ATR: variants seen among roughly 807,000 people sequenced by gnomAD.
ATR encodes the protein serine/threonine-protein kinase ATR.
Under a neutral mutation model 305.3 loss-of-function variants are expected in ATR, and 142 were observed. That is an observed-to-expected ratio of 0.47 (90% CI 0.41 to 0.53). ATR has a LOEUF of 0.53. ATR is among the 20% of genes least tolerant of loss of function. The pLI is 0.00. For synonymous variants in ATR, 1,050 were observed against 1,068.1 expected (o/e 0.98, Z 0.33); for missense variants, 2,135 against 3,133.1 (o/e 0.68, Z 7.60).
At chr3:142,500,885 C>T (rs1033766569) in intron 30 of ATR, among the ~76,000 whole-genome samples, 1 of 151,972 alleles carries the variant, frequency 6.6e-6, no homozygotes. Flanking sequence ...ATTTGTTATC[C>T]AACTGTGGGA....
At chr3:142,482,719 C>G (rs137981009) in intron 36 of ATR, among the ~76,000 whole-genome samples, 2 of 151,742 alleles carry the variant, frequency 1.3e-5, no homozygotes, top group Non-Finnish European at 2.9e-5. Flanking sequence ...GCCTATAGTC[C>G]TAACTACTAA....
intron 1 of ATR, among the ~76,000 whole-genome samples, chr3:142,568,912 G>C (rs141199381): frequency 4.6e-5 from 7 of 152,360 alleles, no homozygotes; most frequent in Non-Finnish European, 8.8e-5. Context: ...GCTGAGGGCA[G>C]CTCAATATGG....
In ATR at chr3:142,522,852, A is replaced by G. The variant is rs778905423; in HGVS notation, c.4153-11T>C. On this transcript the variant is annotated splice_polypyrimidine_tract_variant and intron_variant, in intron 22 of 46. Transcript: ENST00000350721. The stretch of plus-strand genomic sequence containing the variant: ...ATCTTCTACTCCAGTCTCAATCAGA[A>G]AAAAAAAAAAGAAAATTCCAGGATA... 23 of 1,527,464 alleles carry G rather than the reference A, an allele frequency of 1.5e-5. No homozygotes were observed. Among genetic ancestry groups the G allele is most frequent in the Non-Finnish European group, 1.8e-5 (20 of 1,110,854 alleles). 94.6% of individuals were successfully genotyped at this position (1,527,464 alleles called of 1,614,324 possible).
chr3:142,571,423 G>C (rs2035253645), intron 1 of ATR, among the ~76,000 whole-genome samples: 1 of 151,740 alleles, frequency 6.6e-6, no homozygotes, highest in South Asian at 2.1e-4. Context: ...TCGAGATCGC[G>C]CCACTGTACT....
At chr3:142,522,862 A>G (rs76436895) in intron 22 of ATR, 21 bp from the exon 23 acceptor site, 1 of 1,530,914 alleles carries the variant, frequency 6.5e-7, no homozygotes, top group Non-Finnish European at 9.0e-7. Context: ...AAAAAAAAAA[A>G]GAAAATTCCA....
intron 44 of ATR, among the ~76,000 whole-genome samples, chr3:142,458,267 A>T (rs1271329666): frequency 6.6e-6 from 1 of 152,122 alleles, no homozygotes; most frequent in Non-Finnish European, 1.5e-5. Context: ...TTTTCTAGGG[A>T]CCTTTCATCC....
At chr3:142,512,880 T>A (rs1280229006) in intron 26 of ATR, among the ~76,000 whole-genome samples, 2 of 152,084 alleles carry the variant, frequency 1.3e-5, no homozygotes, top group African/African-American at 4.8e-5. Context: ...ACACAATTGA[T>A]CAATAATACA....
chr3:142,474,928 T>C (rs1429792124), intron 36 of ATR, among the ~76,000 whole-genome samples: 2 of 151,144 alleles, frequency 1.3e-5, no homozygotes, highest in South Asian at 2.1e-4. Context: ...AAAAAGTTTG[T>C]TTTTTTTTAA....
intron 35 of ATR, among the ~76,000 whole-genome samples, chr3:142,489,122 G>A (rs890165429): frequency 6.6e-6 from 1 of 152,076 alleles, no homozygotes; most frequent in African/African-American, 2.4e-5. Flanking sequence ...GATCAGTAGA[G>A]GCCAGGGAGT....
chr3:142,570,934 T>C (rs1349818258), intron 1 of ATR, among the ~76,000 whole-genome samples: 3 of 152,194 alleles, frequency 2.0e-5, no homozygotes, highest in Non-Finnish European at 4.4e-5. Context: ...CTTTGTTTTG[T>C]TTCTCCCTTA....
At chr3:142,523,280 C>A (rs956860182) in intron 22 of ATR, among the ~76,000 whole-genome samples, 1 of 151,886 alleles carries the variant, frequency 6.6e-6, no homozygotes, top group Non-Finnish European at 1.5e-5. Context: ...ATTAGCCAGG[C>A]GTGGTGGTGC....
intron 1 of ATR, among the ~76,000 whole-genome samples, chr3:142,575,947 T>A (rs112809228): frequency 0.019 from 2,875 of 152,346 alleles, 34 homozygotes; most frequent in South Asian, 0.041. Flanking sequence ...TGTGCTGGAA[T>A]GTCAAAGGAC....
chr3:142,462,172 T>C (rs549860924), intron 41 of ATR, 82 bp from the exon 42 acceptor site: 1 of 1,366,140 alleles, frequency 7.3e-7, no homozygotes, highest in Non-Finnish European at 1.0e-6. Flanking sequence ...TTAAAGATTG[T>C]TCATTTCATA....
chr3:142,548,071 T>C lies in ATR; in HGVS notation c.3172-161A>G, dbSNP rs189750777. Among the ~76,000 whole-genome samples the C allele has an allele frequency of 1.7e-3, 261 of 152,322 alleles. 3 individuals are homozygous for C. The highest frequency in any genetic ancestry group is 5.9e-3 in the African/African-American group (245 of 41,582). On this transcript the variant is annotated intron_variant, in intron 15 of 46. Transcript: ENST00000350721. Reference sequence around the variant, plus strand: ...AAGGCATTGGAAAAGATTCTAATCTTATTCTATCCTGGTAGGTCTCCCATG... The same window carrying C: ...AAGGCATTGGAAAAGATTCTAATCTCATTCTATCCTGGTAGGTCTCCCATG...
At chr3:142,565,993 G>T in intron 3 of ATR, 128 bp downstream of exon 3, 2 of 1,193,902 alleles carry the variant, frequency 1.7e-6, no homozygotes, top group Non-Finnish European at 2.5e-6. Flanking sequence ...TTACCATTTT[G>T]CTCCTTCAAT....
chr3:142,560,563 A>T (rs1473279565), intron 5 of ATR, 109 bp from the exon 6 acceptor site: 8 of 1,151,508 alleles, frequency 6.9e-6, no homozygotes, highest in East Asian at 2.7e-5. Flanking sequence ...TATTCAAAAA[A>T]ATTTTTTTTT....
At chr3:142,567,040 A>G (rs535756957) in intron 2 of ATR, among the ~76,000 whole-genome samples, 1 of 152,306 alleles carries the variant, frequency 6.6e-6, no homozygotes, top group African/African-American at 2.4e-5. Flanking sequence ...CACCGTGCCC[A>G]GCCAACACTA....
intron 36 of ATR, among the ~76,000 whole-genome samples, chr3:142,482,698 T>C (rs2030595628): frequency 6.6e-6 from 1 of 152,058 alleles, no homozygotes; most frequent in South Asian, 2.1e-4. Context: ...TAGTTGGGCA[T>C]GGTGGCATGT....
chr3:142,508,117 A>AT lies in ATR; in HGVS notation c.4853-9dup. 6.2e-7 allele frequency: 1 copy of AT among 1,604,354 alleles called. No individual in the cohort carries two copies. Among genetic ancestry groups the AT allele is most frequent in the Non-Finnish European group, 8.5e-7 (1 of 1,175,584 alleles). ...CATAATCCACAGTAGATACTAGATC[A>AT]TAAAAAAAGTTGAGTAATTAAAGAC... On this transcript the variant is annotated splice_polypyrimidine_tract_variant and intron_variant, in intron 27 of 46. Transcript: ENST00000350721.
Sources: allele counts gnomAD v4.1 joint callset (sites outside exome capture counted in the v4.1 genomes callset), GRCh38; gene constraint gnomAD v4.1.1; transcripts MANE v1.5; gene names NCBI Gene and HGNC (gene_info 2026-07-23, HGNC 2026-07-21).